Variants in SLC28A3 observed in about 807,000 individuals in gnomAD.
SLC28A3 encodes concentrative Na(+)-nucleoside cotransporter 3.
Under a neutral mutation model 84.2 loss-of-function variants are expected in SLC28A3, and 68 were observed. That is an observed-to-expected ratio of 0.81 (90% CI 0.66 to 0.99). SLC28A3 has a LOEUF of 0.99. SLC28A3 is among the 50% of genes least tolerant of loss of function. The pLI, the probability that SLC28A3 is intolerant of heterozygous loss-of-function variation, is 0.00. For synonymous variants in SLC28A3, 267 were observed against 303.6 expected, an observed-to-expected ratio of 0.88 and a Z score of 1.25; for missense variants, 712 against 841.5, an observed-to-expected ratio of 0.85 and a Z score of 1.90.
chr9:84,364,249 C>T, the SLC28A3 span, among the ~76,000 whole-genome samples: 3 of 151,798 alleles, frequency 2.0e-5, no homozygotes, highest in Non-Finnish European at 4.4e-5. Context: ...CTCAGCCTCC[C>T]GAGTGGCTTA....
At chr9:84,341,964 A>G (rs760469143), upstream of SLC28A3, among the ~76,000 whole-genome samples, 2 of 151,970 alleles carry the variant, frequency 1.3e-5, no homozygotes, top group Non-Finnish European at 2.9e-5. Flanking sequence ...CTCCATCTCT[A>G]CTAAAAATAC....
In SLC28A3 at chr9:84,340,144, T is replaced by G. The variant is rs1346631745; in HGVS notation, c.60+430A>C. Among the ~76,000 whole-genome samples the G allele has an allele frequency of 3.3e-5, 5 of 152,180 alleles. No homozygotes were observed. In the South Asian group the frequency reaches 1.0e-3, roughly 32 times the overall value. On this transcript the variant is annotated intron_variant, in intron 1 of 17. Transcript: ENST00000376238. ...GTGAGACTGATTTGCGTAATCCAGC[T>G]GCTCTGGGGCAGGTACCGGGGCCAT...
At chr9:84,280,441 G>A (rs1027083007) in intron 15 of SLC28A3, among the ~76,000 whole-genome samples, 12 of 152,186 alleles carry the variant, frequency 7.9e-5, no homozygotes, top group African/African-American at 2.9e-4. Context: ...CTACTTCTAT[G>A]CCCGTGGCAG....
chr9:84,315,902 G>A (rs866989580), intron 1 of SLC28A3, among the ~76,000 whole-genome samples: 2 of 152,120 alleles, frequency 1.3e-5, no homozygotes, highest in African/African-American at 2.4e-5. Flanking sequence ...CTACAACCAC[G>A]ACTGCGTTCT....
upstream of SLC28A3, among the ~76,000 whole-genome samples, chr9:84,342,442 G>A (rs1363985474): frequency 6.6e-6 from 1 of 152,056 alleles, no homozygotes; most frequent in Non-Finnish European, 1.5e-5. Context: ...TTGTGTGTGT[G>A]TGTGTGTGTT....
At position 84,299,626 on chromosome 9, in the gene SLC28A3, T is replaced by C. The variant is rs200322231; in HGVS notation, c.624A>G (p.Ile208Met). Residue 208 changes from isoleucine (I) to methionine (M), a missense_variant, in exon 6 of 18, where the codon ATA becomes ATG. By Grantham distance (10) the Ile-to-Met change is conservative (BLOSUM62 1). Coordinates refer to ENST00000376238, the MANE Select transcript of SLC28A3 (RefSeq NM_001199633.2). The part of the protein sequence containing the change: ...QQQLVSFGGL[I>M]MYIVLLFLFS... ...ATAGAAATAACAGGACAATGTACAT[T>C]ATGAGCCCACCGAAGGACACCAGCT... 3.8e-5 allele frequency: 61 copies of C among 1,613,798 alleles called. No homozygotes were observed. The highest frequency in any genetic ancestry group is 1.0e-4 in the Admixed American group (6 of 59,952).
chr9:84,314,138 T>A (rs1564166469), intron 1 of SLC28A3, among the ~76,000 whole-genome samples: 1 of 151,734 alleles, frequency 6.6e-6, no homozygotes, highest in Non-Finnish European at 1.5e-5. Context: ...GATGTTAGAT[T>A]TACGAAATGT....
At chr9:84,353,462 C>A in the SLC28A3 span, among the ~76,000 whole-genome samples, 1 of 152,166 alleles carries the variant, frequency 6.6e-6, no homozygotes, top group Non-Finnish European at 1.5e-5. Flanking sequence ...GTAATCCCAG[C>A]ACTTTAGGAG....
At chr9:84,327,154 T>C (rs1437982422) in intron 1 of SLC28A3, among the ~76,000 whole-genome samples, 1 of 152,132 alleles carries the variant, frequency 6.6e-6, no homozygotes, top group East Asian at 1.9e-4. Flanking sequence ...GAATTCAATC[T>C]CTTTCTCCTT....
intron 1 of SLC28A3, among the ~76,000 whole-genome samples, chr9:84,313,915 T>C (rs889468114): frequency 6.6e-6 from 1 of 150,980 alleles, no homozygotes; most frequent in African/African-American, 2.4e-5. Context: ...AAGAAACATA[T>C]GACTTTTGCT....
chr9:84,321,669 G>A (rs774173557), intron 1 of SLC28A3, among the ~76,000 whole-genome samples: 23 of 147,874 alleles, frequency 1.6e-4, no homozygotes, highest in Non-Finnish European at 1.3e-4. Flanking sequence ...GGGAGGCAGA[G>A]CTTGCAGTGA....
the SLC28A3 span, among the ~76,000 whole-genome samples, chr9:84,361,529 C>T: frequency 6.6e-6 from 1 of 152,126 alleles, no homozygotes; most frequent in East Asian, 1.9e-4. Flanking sequence ...CTCTGTGCTC[C>T]CTCGTGCCTC....
intron 2 of SLC28A3, among the ~76,000 whole-genome samples, chr9:84,313,015 C>A (rs10746739): frequency 6.6e-6 from 1 of 152,056 alleles, no homozygotes; most frequent in East Asian, 1.9e-4. Flanking sequence ...GACCCAGATT[C>A]AGAACCATAG....
the SLC28A3 span, among the ~76,000 whole-genome samples, chr9:84,363,974 G>T: frequency 1.3e-5 from 2 of 151,766 alleles, no homozygotes; most frequent in Non-Finnish European, 2.9e-5. Context: ...TTTAATTTTT[G>T]TGGGTGCATA....
At chr9:84,307,445 A>AAAAAAG (rs1554726630) in intron 3 of SLC28A3, among the ~76,000 whole-genome samples, 4 of 146,376 alleles carry the variant, frequency 2.7e-5, no homozygotes, top group Non-Finnish European at 3.0e-5. Flanking sequence ...AAAAAAAAAA[A>AAAAAAG]CAAAAACAAA....
At chr9:84,312,540 TC>T (rs1230812137) in intron 2 of SLC28A3, among the ~76,000 whole-genome samples, 1 of 137,688 alleles carries the variant, frequency 7.3e-6, no homozygotes, top group Admixed American at 7.5e-5. Context: ...CACCCCAAAT[TC>T]CTTTTTTTTT....
upstream of SLC28A3, among the ~76,000 whole-genome samples, chr9:84,343,490 T>G (rs1282909899): frequency 6.6e-6 from 1 of 151,936 alleles, no homozygotes; most frequent in Non-Finnish European, 1.5e-5. Context: ...CAGGAACCTG[T>G]GGTCTGGGTT....
upstream of SLC28A3, among the ~76,000 whole-genome samples, chr9:84,345,237 C>CAAAAA (rs386415324): frequency 0.036 from 5,036 of 138,634 alleles, 249 homozygotes; most frequent in East Asian, 0.17. Context: ...TTACCAAAGG[C>CAAAAA]AAAAAAAAAA....
At chr9:84,362,681 A>G in the SLC28A3 span, among the ~76,000 whole-genome samples, 1 of 151,636 alleles carries the variant, frequency 6.6e-6, no homozygotes, top group African/African-American at 2.4e-5. Flanking sequence ...AAATAAATAA[A>G]TAAATTTAGG....
Sources: allele counts gnomAD v4.1 joint callset (sites outside exome capture counted in the v4.1 genomes callset), GRCh38; gene constraint gnomAD v4.1.1; transcripts MANE v1.5; gene names NCBI Gene and HGNC (gene_info 2026-07-23, HGNC 2026-07-21).